Variants in MBTPS1 observed in about 807,000 individuals in gnomAD.
MBTPS1 encodes membrane bound transcription factor peptidase, site 1.
MBTPS1 carries 94 observed loss-of-function variants against 127.8 expected under a neutral mutation model. The observed-to-expected ratio is 0.74, with a 90% confidence interval of 0.62 to 0.87. The LOEUF (loss-of-function observed/expected upper bound fraction) is 0.87. Among genes scored for constraint, MBTPS1 ranks in the 40% least tolerant of loss-of-function variants. The pLI, the probability that MBTPS1 is intolerant of heterozygous loss-of-function variation, is 0.00. For missense variants in MBTPS1, 1,636 were observed against 1,353.2 expected, an observed-to-expected ratio of 1.21 and a Z score of -3.28; for synonymous variants, 632 against 509.4, an observed-to-expected ratio of 1.24 and a Z score of -3.24.
chr16:84,074,496 T>C, intron 12 of MBTPS1, 101 bp downstream of exon 12: 15 of 1,273,282 alleles, frequency 1.2e-5, no homozygotes, highest in Non-Finnish European at 1.7e-5. Context: ...GGCCTAGAAC[T>C]TTTCCTTTTT....
At chr16:84,106,832 A>G (rs2086330660) in intron 1 of MBTPS1, among the ~76,000 whole-genome samples, 1 of 152,206 alleles carries the variant, frequency 6.6e-6, no homozygotes, top group African/African-American at 2.4e-5. Flanking sequence ...GGGAGGTGAT[A>G]AGAGGCGATG....
intron 4 of MBTPS1, among the ~76,000 whole-genome samples, chr16:84,094,489 G>C (rs2086152816): frequency 6.6e-6 from 1 of 152,102 alleles, no homozygotes; most frequent in Non-Finnish European, 1.5e-5. Flanking sequence ...CAACTGGCCT[G>C]TCTGACCAAA....
chr16:84,065,807 C>T, intron 17 of MBTPS1, 40 bp from the exon 18 acceptor site: 1 of 1,228,910 alleles, frequency 8.1e-7, no homozygotes, highest in Non-Finnish European at 1.1e-6. Flanking sequence ...CACAGGAACG[C>T]CGAACACTTT....
At chr16:84,060,635 C>T (rs911437886) in intron 20 of MBTPS1, 47 bp downstream of exon 20, 6 of 1,594,808 alleles carry the variant, frequency 3.8e-6, no homozygotes, top group Non-Finnish European at 3.4e-6. Flanking sequence ...GCATCATGTT[C>T]AGCTGGATCC....
rs779367146 is a variant in MBTPS1 at position 84,093,814 on chromosome 16, A to G, written c.633T>C (p.Asn211=). ...CAGTGTCAAAAACAGCAACTCTTAC[A>G]TTAGCACCTTATTCGGAAAAGAAAG... is the stretch of plus-strand genomic sequence containing the variant. ...VLWQMGYTGA[N]VRVAVFDTGL... Residue 211 remains asparagine, a synonymous_variant, in exon 5 of 23, where the codon AAT becomes AAC. Transcript: ENST00000343411. The G allele has an allele frequency of 2.5e-6, 4 of 1,601,314 alleles. No homozygotes were observed. Among genetic ancestry groups the G allele is most frequent in the African/African-American group, 1.3e-5 (1 of 74,752 alleles).
Position 84,054,302 on chromosome 16 carries a change from G to A in MBTPS1, c.*147C>T, listed in dbSNP as rs1597293845. On this transcript the variant is annotated 3_prime_UTR_variant, in exon 23 of 23. Transcript: ENST00000343411. ...TACCAGGAGCCTCTGCCCATCACAG[G>A]AGGGCAGGCCCATGTAGAACAGACT... 4 of 576,000 alleles carry A rather than the reference G, an allele frequency of 6.9e-6. No individual in the cohort carries two copies. The highest frequency in any genetic ancestry group is 8.5e-6 in the Non-Finnish European group (3 of 354,162). The allele number at this position is 576,000 out of a possible 1,614,324, so 35.7% of individuals were successfully genotyped here.
chr16:84,098,064 T>C (rs1237131421), intron 3 of MBTPS1, among the ~76,000 whole-genome samples: 1 of 152,198 alleles, frequency 6.6e-6, no homozygotes, highest in Non-Finnish European at 1.5e-5. Flanking sequence ...TGGTAACACA[T>C]ATCTTTGGAA....
intron 10 of MBTPS1, among the ~76,000 whole-genome samples, chr16:84,083,747 C>G (rs1423992438): frequency 6.6e-6 from 1 of 152,078 alleles, no homozygotes; most frequent in East Asian, 1.9e-4. Flanking sequence ...GAATAACTTC[C>G]AAATACGCAG....
At chr16:84,068,894 G>A (rs2085729671) in intron 14 of MBTPS1, among the ~76,000 whole-genome samples, 1 of 152,198 alleles carries the variant, frequency 6.6e-6, no homozygotes, top group Non-Finnish European at 1.5e-5. Flanking sequence ...ACTGCCACTG[G>A]TCAACTTTCC....
chr16:84,084,412 G>T (rs920856866), intron 10 of MBTPS1, among the ~76,000 whole-genome samples: 1 of 152,326 alleles, frequency 6.6e-6, no homozygotes. Context: ...AACATTAAAA[G>T]GTGAGTCCCC....
At chr16:84,076,348 G>C (rs1360364674) in intron 11 of MBTPS1, among the ~76,000 whole-genome samples, 1 of 151,992 alleles carries the variant, frequency 6.6e-6, no homozygotes, top group Non-Finnish European at 1.5e-5. Flanking sequence ...ACTTAACGGA[G>C]AAATACAAGA....
intron 4 of MBTPS1, among the ~76,000 whole-genome samples, chr16:84,095,267 G>T (rs969749045): frequency 6.6e-6 from 1 of 152,212 alleles, no homozygotes; most frequent in Non-Finnish European, 1.5e-5. Context: ...GGCCGGCAGC[G>T]CTGTGCTCGT....
chr16:84,056,737 G>A, intron 21 of MBTPS1: 1 of 152,526 alleles, frequency 6.6e-6, no homozygotes. Flanking sequence ...GCAGGCGGGG[G>A]ACGATCAAAT....
At chr16:84,059,694 G>T in intron 20 of MBTPS1, 2 of 247,290 alleles carry the variant, frequency 8.1e-6, no homozygotes, top group South Asian at 9.9e-5. Flanking sequence ...AGCACTGGCT[G>T]GTCAAACTTT....
intron 2 of MBTPS1, 61 bp downstream of exon 2, chr16:84,101,560 T>G (rs1164764355): frequency 2.1e-6 from 3 of 1,408,184 alleles, no homozygotes; most frequent in East Asian, 4.7e-5. Flanking sequence ...GCTAATTTTA[T>G]ATTAAGTAAG....
At chr16:84,062,766 G>A (rs534741578) in intron 19 of MBTPS1, among the ~76,000 whole-genome samples, 1 of 152,326 alleles carries the variant, frequency 6.6e-6, no homozygotes, top group South Asian at 2.1e-4. Flanking sequence ...TAAAGACGCG[G>A]AGGGAAGAGG....
rs1257892921 is a variant in MBTPS1, at chr16:84,066,435, G to A, written c.2353+54C>T. 1.8e-5 allele frequency: 28 copies of A among 1,591,978 alleles called. No homozygotes were observed. In the Admixed American group the frequency reaches 2.1e-4, roughly 12 times the overall value. On this transcript the variant is annotated intron_variant, in intron 17 of 22. Transcript: ENST00000343411. ...CTCAAGAAATCTAGACTTCAGAGGT[G>A]TAGAGCTTCTGCTCTCACACCTAAG... is the stretch of plus-strand genomic sequence containing the variant.
intron 22 of MBTPS1, among the ~76,000 whole-genome samples, 161 bp downstream of exon 22, chr16:84,055,844 T>C (rs2085513578): frequency 6.6e-6 from 1 of 152,366 alleles, no homozygotes; most frequent in East Asian, 1.9e-4. Flanking sequence ...CCCTTGCTCA[T>C]GCTGGTTTGT....
chr16:84,073,760 T>C (rs2085808388), intron 12 of MBTPS1, among the ~76,000 whole-genome samples: 1 of 152,056 alleles, frequency 6.6e-6, no homozygotes, highest in Non-Finnish European at 1.5e-5. Flanking sequence ...ATCCCAGGAC[T>C]CTGGGAGGCT....
Sources: allele counts gnomAD v4.1 joint callset (sites outside exome capture counted in the v4.1 genomes callset), GRCh38; gene constraint gnomAD v4.1.1; transcripts MANE v1.5; gene names NCBI Gene and HGNC (gene_info 2026-07-23, HGNC 2026-07-21).